Variants in SNRPD3 observed in about 807,000 individuals in gnomAD.
SNRPD3 encodes small nuclear ribonucleoprotein Sm D3.
For synonymous variants in SNRPD3, 66 were observed against 58.4 expected (o/e 1.13, Z -0.59); for missense variants, 73 against 167.5 (o/e 0.44, Z 3.11).
In SNRPD3 at chr22:24,563,304, ATAT is replaced by A. The variant is rs754954302; in HGVS notation, c.127-4678_127-4676del. On this transcript the variant is annotated intron_variant, in intron 2 of 3. Transcript: ENST00000215829. The stretch of plus-strand genomic sequence containing the variant: ...TGTGTGTGTGTGTGTATATATATAT[ATAT>A]TTTTTTTTTTAAAGGAAGAAGAGGA... Among the ~76,000 whole-genome samples, 1,053 of 116,746 alleles carry A rather than the reference ATAT, an allele frequency of 9.0e-3. 10 individuals carry two copies. The highest frequency in any genetic ancestry group is 0.04 in the African/African-American group (971 of 24,172). The allele number at this position is 116,746 out of a possible 152,430, so 76.6% of individuals were successfully genotyped here. A position where few individuals can be genotyped will look rare whatever the true frequency, so the allele number is the denominator to read the frequency against.
intron 2 of SNRPD3, 94 bp from the exon 3 acceptor site, chr22:24,567,890 C>A: frequency 1.1e-6 from 1 of 905,332 alleles, no homozygotes; most frequent in Non-Finnish European, 1.7e-6. Flanking sequence ...CAATGTCAGT[C>A]TGCTTTTCTG....
intron 3 of SNRPD3, among the ~76,000 whole-genome samples, chr22:24,571,346 A>C (rs968439585): frequency 1.3e-5 from 2 of 152,290 alleles, no homozygotes; most frequent in Middle Eastern, 3.4e-3. Context: ...CCTCTTGTAG[A>C]GAGCAGTGTG....
intron 2 of SNRPD3, among the ~76,000 whole-genome samples, chr22:24,558,298 ACT>A (rs930435767): frequency 4.6e-5 from 7 of 152,128 alleles, no homozygotes; most frequent in African/African-American, 1.7e-4. Flanking sequence ...AGGGCTCATC[ACT>A]CTGATGATAA....
At chr22:24,558,320 T>G (rs1035100804) in intron 2 of SNRPD3, among the ~76,000 whole-genome samples, 6 of 152,148 alleles carry the variant, frequency 3.9e-5, no homozygotes, top group Admixed American at 2.6e-4. Context: ...AATAATGGAG[T>G]AGTTTCCTGA....
chr22:24,564,534 T>C (rs1601568167), intron 2 of SNRPD3, among the ~76,000 whole-genome samples: 1 of 152,226 alleles, frequency 6.6e-6, no homozygotes, highest in Non-Finnish European at 1.5e-5. Context: ...GCAGTGAGAC[T>C]GTGGGGTTTT....
chr22:24,564,008 A>G (rs1021550941), intron 2 of SNRPD3, among the ~76,000 whole-genome samples: 7 of 152,276 alleles, frequency 4.6e-5, no homozygotes, highest in Middle Eastern at 3.4e-3. Context: ...CAGTTTTTTA[A>G]ACTTATCGTA....
At chr22:24,555,880 G>T, upstream of SNRPD3, 3 of 1,516,312 alleles carry the variant, frequency 2.0e-6, no homozygotes, top group South Asian at 1.2e-5. Context: ...TTTCCCAGCC[G>T]GCAGGCGGAG....
chr22:24,556,902 A>G (rs1388518333), intron 1 of SNRPD3, among the ~76,000 whole-genome samples: 1 of 152,248 alleles, frequency 6.6e-6, no homozygotes, highest in Non-Finnish European at 1.5e-5. Flanking sequence ...AGGTCAAGTC[A>G]GGTGCTTTCC....
At chr22:24,563,202 A>ATGTGTGTGTGTGTGTG (rs1491542810) in intron 2 of SNRPD3, among the ~76,000 whole-genome samples, 8 of 138,884 alleles carry the variant, frequency 5.8e-5, no homozygotes, top group African/African-American at 2.2e-4. Context: ...ACCCTGTCTC[A>ATGTGTGTGTGTGTGTG]TATATGTGTG....
At chr22:24,571,855 C>G (rs572283676) in intron 3 of SNRPD3, 61 bp from the exon 4 acceptor site, 13 of 1,580,374 alleles carry the variant, frequency 8.2e-6, no homozygotes, top group Non-Finnish European at 8.7e-7. Context: ...CCTGGCTACT[C>G]TGTGCTATGA....
In SNRPD3 at chr22:24,563,206, A is replaced by ATGTGTGTG. The variant is rs1177387267; in HGVS notation, c.127-4748_127-4741dup. Among the ~76,000 whole-genome samples, 273 of 106,244 alleles carry ATGTGTGTG rather than the reference A, an allele frequency of 2.6e-3. 2 individuals are homozygous for ATGTGTGTG. Among genetic ancestry groups the ATGTGTGTG allele is most frequent in the African/African-American group, 7.1e-3 (253 of 35,758 alleles). 69.7% of individuals were successfully genotyped at this position (106,244 alleles called of 152,430 possible). ...AACACAGTGAGACCCTGTCTCATAT[A>ATGTGTGTG]TGTGTGTGTGTGTGTGTGTGTGTGT... On this transcript the variant is annotated intron_variant, in intron 2 of 3. Coordinates refer to ENST00000215829, the MANE Select transcript of SNRPD3 (RefSeq NM_004175.5).
intron 2 of SNRPD3, chr22:24,558,214 AT>A (rs1270957534): frequency 6.5e-6 from 1 of 154,996 alleles, no homozygotes; most frequent in East Asian, 1.9e-4. Flanking sequence ...TCATTTGATT[AT>A]TGCAACTACC....
intron 3 of SNRPD3, among the ~76,000 whole-genome samples, chr22:24,570,250 G>A (rs1165575466): frequency 1.3e-5 from 2 of 152,258 alleles, no homozygotes; most frequent in Non-Finnish European, 2.9e-5. Flanking sequence ...GAGGGCAGGA[G>A]AAGTTTCAAG....
Position 24,571,947 on chromosome 22 carries a change from A to G in SNRPD3, c.351A>G (p.Gly117=), listed in dbSNP as rs1290638967. ...VAARGRGRGM[G]RGNIFQKRR Reference sequence around the variant, plus strand: ...CAAGAGGAAGAGGACGTGGAATGGGACGTGGAAACATCTTTCAAAAGCGAA... The same window carrying G: ...CAAGAGGAAGAGGACGTGGAATGGGGCGTGGAAACATCTTTCAAAAGCGAA... Residue 117 remains glycine, a synonymous_variant, in exon 4 of 4, where the codon GGA becomes GGG. Coordinates refer to ENST00000215829, the MANE Select transcript of SNRPD3 (RefSeq NM_004175.5). The G allele has an allele frequency of 1.2e-6, 2 of 1,614,052 alleles. No homozygotes were observed. The highest frequency in any genetic ancestry group is 1.7e-6 in the Non-Finnish European group (2 of 1,179,962).
At position 24,572,337 on chromosome 22, in the gene SNRPD3, A is replaced by T; in HGVS notation, c.*360A>T. On this transcript the variant is annotated 3_prime_UTR_variant, in exon 4 of 4. Coordinates refer to ENST00000215829, the MANE Select transcript of SNRPD3 (RefSeq NM_004175.5). ...AAGTTCACCTTGGAGAAGCTCCGAG[A>T]ACACACAGATTGTGTCTCATTCATC... 3 of 583,778 alleles carry T rather than the reference A, an allele frequency of 5.1e-6. No individual in the cohort carries two copies. The highest frequency in any genetic ancestry group is 9.1e-6 in the Non-Finnish European group (3 of 329,698). The allele number at this position is 583,778 out of a possible 1,614,324, so 36.2% of individuals were successfully genotyped here.
At chr22:24,571,058 A>T (rs1315622399) in intron 3 of SNRPD3, among the ~76,000 whole-genome samples, 1 of 152,158 alleles carries the variant, frequency 6.6e-6, no homozygotes, top group Non-Finnish European at 1.5e-5. Flanking sequence ...ACCTCAAGTG[A>T]TCTGCCTGCC....
At chr22:24,561,363 C>A (rs1181758032) in intron 2 of SNRPD3, among the ~76,000 whole-genome samples, 1 of 152,116 alleles carries the variant, frequency 6.6e-6, no homozygotes, top group Non-Finnish European at 1.5e-5. Context: ...CATGAGCCAC[C>A]ACATCTGGCC....
chr22:24,556,161 T>A (rs1416485325), intron 1 of SNRPD3, 90 bp downstream of exon 1: 5 of 430,018 alleles, frequency 1.2e-5, no homozygotes, highest in Non-Finnish European at 2.1e-5. Flanking sequence ...TCTGCGGGGC[T>A]CGGGGAGGGA....
intron 2 of SNRPD3, among the ~76,000 whole-genome samples, chr22:24,566,433 G>A (rs1311615135): frequency 6.6e-6 from 1 of 152,058 alleles, no homozygotes. Context: ...ACCACACCCA[G>A]CTAATTTTTG....
Sources: gnomAD v4.1 joint callset for allele counts (sites outside exome capture counted in the v4.1 genomes callset) on GRCh38, gnomAD v4.1.1 for gene constraint, MANE v1.5 for transcripts, NCBI Gene and HGNC (gene_info 2026-07-23, HGNC 2026-07-21) for gene names.